PRMT7: variants seen among roughly 807,000 people sequenced by gnomAD.
PRMT7 encodes protein arginine methyltransferase 7, also known as protein arginine N-methyltransferase 7.
In PRMT7, 75 loss-of-function variants were observed where a neutral mutation model predicts 85.4. The observed-to-expected ratio is 0.88, with a 90% CI of 0.73 to 1.06. The LOEUF (loss-of-function observed/expected upper bound fraction) is 1.06, where lower values mean the gene tolerates loss of function less well. PRMT7 is among the 50% of genes least tolerant of loss of function. PRMT7 has a pLI of 0.00. For missense variants in PRMT7, 868 were observed against 915.2 expected, an observed-to-expected ratio of 0.95 and a Z score of 0.67; for synonymous variants, 397 against 359.5, an observed-to-expected ratio of 1.10 and a Z score of -1.18.
chr16:68,351,040 C>T (rs1315122319), intron 14 of PRMT7, among the ~76,000 whole-genome samples: 2 of 152,154 alleles, frequency 1.3e-5, no homozygotes, highest in Admixed American at 1.3e-4. Context: ...ATCCACAAGT[C>T]GCCTTTTTTC....
At position 68,322,402 on chromosome 16, in the gene PRMT7, T is replaced by C. The variant is rs562499264; in HGVS notation, c.132+940T>C. 1.4e-3 allele frequency: 641 copies of C among 451,886 alleles called. 2 individuals carry two copies. The highest frequency in any genetic ancestry group is 2.3e-3 in the Non-Finnish European group (525 of 225,708). 28.0% of individuals were successfully genotyped at this position (451,886 alleles called of 1,614,324 possible). A position where few individuals can be genotyped will look rare whatever the true frequency, so the allele number is the denominator to read the frequency against. ...TTGTAGAGGCAGAGTTTCGCTGTATTGCCCAGGCTGGTCTTGATCCCCTGA... is the reference window on the plus strand; with the variant it reads ...TTGTAGAGGCAGAGTTTCGCTGTATCGCCCAGGCTGGTCTTGATCCCCTGA... On this transcript the variant is annotated intron_variant, in intron 4 of 18. Coordinates refer to ENST00000441236, the MANE Select transcript of PRMT7 (RefSeq NM_019023.5).
rs769295606 is a variant in PRMT7 at position 68,346,254 on chromosome 16, G to T, written c.1165G>T (p.Asp389Tyr). The T allele has an allele frequency of 6.2e-7, 1 of 1,614,238 alleles. No individual in the cohort carries two copies. Among genetic ancestry groups the T allele is most frequent in the South Asian group, 1.1e-5 (1 of 91,082 alleles). The change falls in exon 11 of 19, where the codon GAT becomes TAT. Residue 389 changes from aspartate (D) to tyrosine (Y), a missense_variant. Transcript: ENST00000441236. ...FGEINDQDRTDRYVQALRTVL... is the reference protein window; with the variant it reads ...FGEINDQDRTYRYVQALRTVL... The stretch of plus-strand genomic sequence containing the variant: ...AGAGATCAATGACCAGGACAGAACT[G>T]ATCGATACGTCCAGGCTCTGAGGAC...
intron 4 of PRMT7, 180 bp from the exon 5 acceptor site, chr16:68,324,503 G>C: frequency 1.6e-6 from 1 of 644,602 alleles, no homozygotes; most frequent in South Asian, 1.9e-5. Flanking sequence ...GCTTAATAAA[G>C]GGCAAGGGGC....
intron 6 of PRMT7, among the ~76,000 whole-genome samples, chr16:68,329,903 T>A (rs556140414): frequency 7.9e-6 from 1 of 126,886 alleles, no homozygotes; most frequent in African/African-American, 3.1e-5. Flanking sequence ...ACACACATAT[T>A]TTTTTTTTGA....
At chr16:68,338,586 G>C (rs1378579594) in intron 7 of PRMT7, among the ~76,000 whole-genome samples, 1 of 152,140 alleles carries the variant, frequency 6.6e-6, no homozygotes, top group African/African-American at 2.4e-5. Context: ...ACAGCCTGGG[G>C]AAGGCAGCGG....
chr16:68,344,092 TGA>T (rs886155923), intron 9 of PRMT7, among the ~76,000 whole-genome samples: 1 of 152,228 alleles, frequency 6.6e-6, no homozygotes, highest in African/African-American at 2.4e-5. Flanking sequence ...CTCAGCCTCC[TGA>T]GTAGCTGGGA....
At chr16:68,321,170 G>T (rs990393852) in intron 3 of PRMT7, among the ~76,000 whole-genome samples, 5 of 151,926 alleles carry the variant, frequency 3.3e-5, no homozygotes, top group Non-Finnish European at 7.4e-5. Context: ...CTGGGAGGCT[G>T]AGGCATGAGA....
In PRMT7 at chr16:68,333,763, T is replaced by C. The variant is rs1343151571; in HGVS notation, c.392-3696T>C. The stretch of plus-strand genomic sequence containing the variant: ...CTCAGCTTAGGCCAGGCCCCTCATA[T>C]GATTTCTTATTAAAAAAAAAAATTT... On this transcript the variant is annotated intron_variant, in intron 6 of 18. Coordinates refer to ENST00000441236, the MANE Select transcript of PRMT7 (RefSeq NM_019023.5). Among the ~76,000 whole-genome samples the C allele has an allele frequency of 7.2e-5, 11 of 152,232 alleles. No homozygotes were observed. In the East Asian group the frequency reaches 2.1e-3, roughly 29 times the overall value.
chr16:68,346,145 C>G lies in PRMT7; in HGVS notation c.1056C>G (p.Ser352Arg). 1.2e-6 allele frequency: 2 copies of G among 1,613,548 alleles called. No homozygotes were observed. Among genetic ancestry groups the G allele is most frequent in the Non-Finnish European group, 1.7e-6 (2 of 1,180,024 alleles). ...YCVWYSLQRTSPEKNERVRQM... is the reference protein window; with the variant it reads ...YCVWYSLQRTRPEKNERVRQM... ...TCTGTTTGTTCATCTCCTGGCCTAG[C>G]CCTGAAAAGAATGAGAGAGTCCGCC... Residue 352 changes from serine (S) to arginine (R), a missense_variant and splice_region_variant, in exon 11 of 19, where the codon AGC (serine) becomes AGG (arginine). Ser to Arg is a moderately radical substitution (Grantham distance 110). Transcript: ENST00000441236.
chr16:68,319,711 A>AGAGTGTGTGTGTGTGTGTGTGT (rs1555543581), intron 3 of PRMT7, among the ~76,000 whole-genome samples: 5 of 141,544 alleles, frequency 3.5e-5, no homozygotes, highest in East Asian at 2.2e-4. Flanking sequence ...TAAGAGTGAG[A>AGAGTGTGTGTGTGTGTGTGTGT]GTGTGTGTGT....
At position 68,339,838 on chromosome 16, in the gene PRMT7, G is replaced by A. The variant is rs756734451; in HGVS notation, c.797G>A (p.Arg266Gln). The A allele has an allele frequency of 7.4e-6, 12 of 1,613,966 alleles. No homozygotes were observed. Among genetic ancestry groups the A allele is most frequent in the Middle Eastern group, 1.6e-4 (1 of 6,084 alleles). ...VSSSAACHSRRFEPLTSGRAQ... is the reference protein window; with the variant it reads ...VSSSAACHSRQFEPLTSGRAQ... Reference sequence around the variant, plus strand: ...AGCTCAGCAGCCTGCCATAGCAGGCGGTTTGAACCTCTGACATCTGGCCGA... The same window carrying A: ...AGCTCAGCAGCCTGCCATAGCAGGCAGTTTGAACCTCTGACATCTGGCCGA... The change falls in exon 9 of 19, where the codon CGG becomes CAG. Residue 266 changes from arginine (R) to glutamine (Q), a missense_variant. Coordinates refer to ENST00000441236, the MANE Select transcript of PRMT7 (RefSeq NM_019023.5).
At chr16:68,322,013 T>C (rs1277363203) in intron 4 of PRMT7, among the ~76,000 whole-genome samples, 1 of 151,628 alleles carries the variant, frequency 6.6e-6, no homozygotes, top group East Asian at 1.9e-4. Flanking sequence ...AGGGGCGAGA[T>C]CTCGGCTCAC....
chr16:68,327,212 A>G (rs1477032040), intron 5 of PRMT7, among the ~76,000 whole-genome samples: 1 of 152,220 alleles, frequency 6.6e-6, no homozygotes. Context: ...TGGGAAATAC[A>G]GAAAAGGATT....
intron 9 of PRMT7, among the ~76,000 whole-genome samples, chr16:68,342,456 A>G (rs1234921824): frequency 6.6e-6 from 1 of 152,176 alleles, no homozygotes; most frequent in Non-Finnish European, 1.5e-5. Context: ...TTTTGGTTTC[A>G]GGACCAAGAA....
chr16:68,353,414 A>G, intron 15 of PRMT7, 78 bp from the exon 16 acceptor site: 8 of 1,600,844 alleles, frequency 5.0e-6, no homozygotes, highest in Non-Finnish European at 6.8e-6. Flanking sequence ...GAACAGCAAG[A>G]TGTGCCTCTT....
intron 6 of PRMT7, among the ~76,000 whole-genome samples, chr16:68,336,072 C>T (rs574687052): frequency 4.6e-5 from 7 of 152,278 alleles, no homozygotes; most frequent in Middle Eastern, 3.4e-3. Context: ...CCACCGCGCC[C>T]GGCCCCTGTC....
At chr16:68,356,898 A>G in intron 18 of PRMT7, 101 bp downstream of exon 18, 1 of 1,396,126 alleles carries the variant, frequency 7.2e-7, no homozygotes, top group Non-Finnish European at 9.8e-7. Flanking sequence ...TTCTGTCACA[A>G]GTTCTTCGGG....
At position 68,348,352 on chromosome 16, in the gene PRMT7, C is replaced by T; in HGVS notation, c.1334C>T (p.Ala445Val). The change falls in exon 14 of 19, where the codon GCT becomes GTT. Residue 445 changes from alanine (A) to valine (V), a missense_variant. Transcript: ENST00000441236. ...GGTTTTCTTTCTAAGATCTTCAAGG[C>T]TAACCACTTGGAAGATAAAATTAAC... ...SHKLLRKIFK[A>V]NHLEDKINII... 6.2e-7 allele frequency: 1 copy of T among 1,603,036 alleles called. No individual in the cohort carries two copies. Among genetic ancestry groups the T allele is most frequent in the South Asian group, 1.1e-5 (1 of 90,740 alleles).
chr16:68,352,715 CATT>C (rs1399068601), intron 15 of PRMT7: 9 of 215,312 alleles, frequency 4.2e-5, no homozygotes, highest in Non-Finnish European at 8.2e-5. Flanking sequence ...GCTCTGCTCT[CATT>C]AATAGCCGAG....
Sources: allele counts gnomAD v4.1 joint callset (sites outside exome capture counted in the v4.1 genomes callset), GRCh38; gene constraint gnomAD v4.1.1; transcripts MANE v1.5; gene names NCBI Gene and HGNC (gene_info 2026-07-23, HGNC 2026-07-21).